The following TTC28 variants were observed in gnomAD, a reference collection of about 807,000 sequenced individuals.
TTC28 encodes tetratricopeptide repeat domain 28.
TTC28 carries 61 observed loss-of-function variants against 198.0 expected under a neutral mutation model. That is an observed-to-expected ratio of 0.31 (90% confidence interval 0.25 to 0.38). TTC28 has a LOEUF of 0.38. Ranked by LOEUF, TTC28 falls within the 10% of genes least tolerant of loss-of-function variation. The pLI is 1.00. For missense variants in TTC28, 2,678 were observed against 3,164.0 expected, an observed-to-expected ratio of 0.85 and a Z score of 3.69; for synonymous variants, 1,171 against 1,297.8, an observed-to-expected ratio of 0.90 and a Z score of 2.10.
intron 5 of TTC28, among the ~76,000 whole-genome samples, chr22:28,282,536 ATTTAT>A (rs969661250): frequency 1.3e-5 from 2 of 152,154 alleles, no homozygotes; most frequent in African/African-American, 4.8e-5. Flanking sequence ...TTTTTACTTT[ATTTAT>A]TTTAATATAA....
chr22:28,037,796 A>G (rs1037055560), intron 12 of TTC28, among the ~76,000 whole-genome samples: 1 of 152,244 alleles, frequency 6.6e-6, no homozygotes, highest in Non-Finnish European at 1.5e-5. Flanking sequence ...AATCTCCTTA[A>G]GCTGATAAGC....
chr22:28,334,428 CTGATTTCCACAA>C (rs2045672154), intron 2 of TTC28, among the ~76,000 whole-genome samples: 2 of 152,234 alleles, frequency 1.3e-5, no homozygotes, highest in African/African-American at 4.8e-5. Flanking sequence ...AATCGCCACA[CTGATTTCCACAA>C]TGGTTGAACT....
rs566126796 is a variant in TTC28, at chr22:28,368,886, T to G, written c.382-62243A>C. 4.6e-5 allele frequency among the ~76,000 whole-genome samples: 7 copies of G among 151,934 alleles called. No homozygotes were observed. The South Asian group carries it at 1.5e-3, about 32-fold the overall frequency. On this transcript the variant is annotated intron_variant, in intron 2 of 22. Transcript: ENST00000397906. ...ACTATAAAACACTGATGAAAGAAAC[T>G]GAAGAGGACACCAAAACATGGAAAA...
At chr22:28,004,760 C>G (rs547427815) in intron 14 of TTC28, among the ~76,000 whole-genome samples, 1 of 152,350 alleles carries the variant, frequency 6.6e-6, no homozygotes, top group East Asian at 1.9e-4. Flanking sequence ...CTTGTCAGCT[C>G]TGACTCTGGT....
chr22:28,244,121 A>G (rs1929902578), intron 5 of TTC28, among the ~76,000 whole-genome samples: 1 of 152,202 alleles, frequency 6.6e-6, no homozygotes, highest in African/African-American at 2.4e-5. Context: ...AAACATGGCA[A>G]TAAGTTAGAC....
chr22:28,043,657 T>G (rs568424119), intron 12 of TTC28, among the ~76,000 whole-genome samples: 1 of 152,246 alleles, frequency 6.6e-6, no homozygotes, highest in East Asian at 1.9e-4. Context: ...GCCCTTGGAT[T>G]TCATGGGACT....
At chr22:28,606,217 G>A (rs1019544015) in intron 2 of TTC28, among the ~76,000 whole-genome samples, 1 of 151,718 alleles carries the variant, frequency 6.6e-6, no homozygotes. Context: ...CCGAGTAGCT[G>A]GTATTACACA....
At chr22:28,241,325 C>A (rs1929638342) in intron 5 of TTC28, among the ~76,000 whole-genome samples, 1 of 152,048 alleles carries the variant, frequency 6.6e-6, no homozygotes, top group East Asian at 1.9e-4. Flanking sequence ...TAAAAAGTGT[C>A]AAGGTCAAGG....
At chr22:28,474,545 T>C (rs560390599) in intron 2 of TTC28, among the ~76,000 whole-genome samples, 75 of 152,256 alleles carry the variant, frequency 4.9e-4, no homozygotes, top group Non-Finnish European at 9.6e-4. Context: ...ATGAAAAACA[T>C]GTAGATGAAT....
rs556860892 is a variant in TTC28, at chr22:28,041,035, C to G, written c.3933-10669G>C. Among the ~76,000 whole-genome samples, 8 of 152,014 alleles carry G rather than the reference C, an allele frequency of 5.3e-5. 1 individual carries two copies. Among genetic ancestry groups the G allele is most frequent in the African/African-American group, 1.9e-4 (8 of 41,392 alleles). On this transcript the variant is annotated intron_variant, in intron 12 of 22. Transcript: ENST00000397906. ...AAATCCAACCTACAAGGGATGTGAACGACCTCTTCAAGGAAAACTACAAAC... is the reference window on the plus strand; with the variant it reads ...AAATCCAACCTACAAGGGATGTGAAGGACCTCTTCAAGGAAAACTACAAAC...
chr22:28,081,348 T>G (rs1001282239), intron 12 of TTC28, among the ~76,000 whole-genome samples: 1 of 152,060 alleles, frequency 6.6e-6, no homozygotes, highest in Non-Finnish European at 1.5e-5. Context: ...ACTCAGCTAA[T>G]TGTAATAATA....
chr22:28,427,618 A>C (rs1342946855), intron 2 of TTC28, among the ~76,000 whole-genome samples: 1 of 152,212 alleles, frequency 6.6e-6, no homozygotes. Flanking sequence ...GCGCCACCGC[A>C]CTCTAGCCTG....
chr22:28,113,081 C>T (rs1569146152), intron 6 of TTC28, among the ~76,000 whole-genome samples: 1 of 152,162 alleles, frequency 6.6e-6, no homozygotes, highest in East Asian at 1.9e-4. Flanking sequence ...ATACATTTTG[C>T]TTTTATTATT....
chr22:28,677,110 C>T (rs1191137651), intron 1 of TTC28, among the ~76,000 whole-genome samples: 1 of 133,274 alleles, frequency 7.5e-6, no homozygotes, highest in Non-Finnish European at 1.5e-5. Context: ...AGGCCAAGAT[C>T]ATGCCATTGC....
At chr22:28,534,376 C>T (rs1173800448) in intron 2 of TTC28, among the ~76,000 whole-genome samples, 3 of 152,152 alleles carry the variant, frequency 2.0e-5, no homozygotes, top group Admixed American at 1.3e-4. Context: ...CCATCTCACA[C>T]CAGTTAGAAT....
At chr22:28,605,128 G>T (rs372174428) in intron 2 of TTC28, among the ~76,000 whole-genome samples, 1 of 152,100 alleles carries the variant, frequency 6.6e-6, no homozygotes, top group Non-Finnish European at 1.5e-5. Flanking sequence ...TTCTTGCCAG[G>T]CTTCCTGAAT....
intron 12 of TTC28, among the ~76,000 whole-genome samples, chr22:28,091,641 C>T (rs984122251): frequency 6.6e-6 from 1 of 152,016 alleles, no homozygotes; most frequent in East Asian, 1.9e-4. Context: ...CAAGGCTGAC[C>T]CCATGGTGGA....
chr22:28,423,731 T>C (rs1455151497), intron 2 of TTC28, among the ~76,000 whole-genome samples: 2 of 152,106 alleles, frequency 1.3e-5, no homozygotes, highest in Non-Finnish European at 2.9e-5. Context: ...AAGAGGAGGA[T>C]GATGGGTGGT....
chr22:28,085,500 T>C (rs1285199087), intron 12 of TTC28, among the ~76,000 whole-genome samples: 1 of 151,878 alleles, frequency 6.6e-6, no homozygotes. Flanking sequence ...CTAAAAGAGC[T>C]CCTGAAGGAA....
Sources: allele counts gnomAD v4.1 joint callset (sites outside exome capture counted in the v4.1 genomes callset), GRCh38; gene constraint gnomAD v4.1.1; transcripts MANE v1.5; gene names NCBI Gene and HGNC (gene_info 2026-07-23, HGNC 2026-07-21).